NKAIN3: variants seen among roughly 807,000 people sequenced by gnomAD.
NKAIN3 encodes sodium/potassium-transporting ATPase subunit beta-1-interacting protein 3.
A neutral mutation model predicts 30.2 loss-of-function variants in NKAIN3; 25 were observed. The ratio of observed to expected loss-of-function variants is 0.83; its 90% confidence interval spans 0.60 to 1.16. NKAIN3 has a LOEUF of 1.16. NKAIN3 is among the 50% of genes most tolerant of loss of function. The pLI, the probability that NKAIN3 is intolerant of heterozygous loss-of-function variation, is 0.00. For synonymous variants in NKAIN3, 91 were observed against 89.6 expected (o/e 1.02, Z -0.09); for missense variants, 225 against 254.1 (o/e 0.89, Z 0.78).
intron 1 of NKAIN3, among the ~76,000 whole-genome samples, chr8:62,364,278 A>C (rs1816657189): frequency 6.6e-6 from 1 of 152,204 alleles, no homozygotes; most frequent in Non-Finnish European, 1.5e-5. Flanking sequence ...GTTAATTAGC[A>C]AGTCAGGACT....
At chr8:62,863,866 G>A (rs914093295) in intron 4 of NKAIN3, 81 of 1,532,694 alleles carry the variant, frequency 5.3e-5, no homozygotes, top group Middle Eastern at 4.5e-4. Flanking sequence ...CACCTTTGCA[G>A]TAGTCCGCAG....
At chr8:62,461,260 A>G (rs1258738263) in intron 1 of NKAIN3, among the ~76,000 whole-genome samples, 1 of 152,262 alleles carries the variant, frequency 6.6e-6, no homozygotes, top group Non-Finnish European at 1.5e-5. Context: ...CAGTGGCTGC[A>G]TACAGCAAAG....
chr8:62,547,302 A>AT (rs1191779364), intron 1 of NKAIN3, among the ~76,000 whole-genome samples: 2 of 152,302 alleles, frequency 1.3e-5, no homozygotes, highest in East Asian at 3.9e-4. Context: ...AGTTACTAAC[A>AT]TAGGACCACA....
At chr8:62,668,131 C>CAG (rs1046163309) in intron 3 of NKAIN3, among the ~76,000 whole-genome samples, 1 of 151,702 alleles carries the variant, frequency 6.6e-6, no homozygotes, top group African/African-American at 2.4e-5. Flanking sequence ...CACACACACA[C>CAG]AGTCACATTG....
At chr8:62,253,553 A>AGTGACACTCT (rs1450438229) in intron 1 of NKAIN3, among the ~76,000 whole-genome samples, 2 of 152,234 alleles carry the variant, frequency 1.3e-5, no homozygotes, top group African/African-American at 4.8e-5. Context: ...TGGGAGACAG[A>AGTGACACTCT]GTGACACTCT....
chr8:62,375,558 G>GA (rs2129593605), intron 1 of NKAIN3, among the ~76,000 whole-genome samples: 1 of 152,192 alleles, frequency 6.6e-6, no homozygotes, highest in South Asian at 2.1e-4. Context: ...TTGATTTTTT[G>GA]ATTCATAAGC....
chr8:62,605,692 G>A (rs1472430725), intron 3 of NKAIN3, among the ~76,000 whole-genome samples: 1 of 151,996 alleles, frequency 6.6e-6, no homozygotes, highest in Admixed American at 6.6e-5. Context: ...ACTATATTAA[G>A]TATTACAAGT....
chr8:62,264,125 G>A (rs1175072878), intron 1 of NKAIN3, among the ~76,000 whole-genome samples: 1 of 152,176 alleles, frequency 6.6e-6, no homozygotes, highest in Non-Finnish European at 1.5e-5. Flanking sequence ...ACTTGAAGAG[G>A]AAGCTAATTT....
chr8:62,746,823 G>C, intron 3 of NKAIN3, 109 bp from the exon 4 acceptor site: 1 of 706,728 alleles, frequency 1.4e-6, no homozygotes, highest in Non-Finnish European at 2.3e-6. Flanking sequence ...ACTTGAAATT[G>C]AAATCACTGT....
At chr8:62,838,291 C>G (rs924400764) in intron 4 of NKAIN3, among the ~76,000 whole-genome samples, 2 of 151,588 alleles carry the variant, frequency 1.3e-5, no homozygotes, top group Admixed American at 1.3e-4. Flanking sequence ...TTTTCATCAT[C>G]AGAGGCAAAG....
chr8:62,333,436 A>T (rs902282960), intron 1 of NKAIN3, among the ~76,000 whole-genome samples: 2 of 152,106 alleles, frequency 1.3e-5, no homozygotes, highest in African/African-American at 4.8e-5. Flanking sequence ...ATAGGGCAAT[A>T]ATTCTGCATT....
intron 5 of NKAIN3, among the ~76,000 whole-genome samples, chr8:62,927,328 A>G (rs1822481556): frequency 6.6e-6 from 1 of 152,164 alleles, no homozygotes; most frequent in African/African-American, 2.4e-5. Flanking sequence ...CCTTCCTTGA[A>G]CACTTTCTCC....
At chr8:62,590,497 G>A (rs1810618599) in intron 3 of NKAIN3, among the ~76,000 whole-genome samples, 1 of 151,748 alleles carries the variant, frequency 6.6e-6, no homozygotes, top group Non-Finnish European at 1.5e-5. Context: ...GTTTTTGTGT[G>A]AACCAGCACA....
rs148992912 is a variant in NKAIN3 at position 62,968,559 on chromosome 8, C to T, written c.*3152C>T. ...TTAACTATCTTAAGAGATGGTGCAG[C>T]TCTAGATTCAATAGCTCTCCTCAGA... On this transcript the variant is annotated 3_prime_UTR_variant, in exon 7 of 7. Transcript: ENST00000623646. 2.0e-5 allele frequency among the ~76,000 whole-genome samples: 3 copies of T among 152,310 alleles called. No individual in the cohort carries two copies. Among genetic ancestry groups the T allele is most frequent in the Non-Finnish European group, 4.4e-5 (3 of 68,038 alleles).
chr8:62,659,527 A>G (rs1048172432), intron 3 of NKAIN3, among the ~76,000 whole-genome samples: 16 of 152,208 alleles, frequency 1.1e-4, no homozygotes, highest in Non-Finnish European at 1.6e-4. Flanking sequence ...TGCTTTTGCT[A>G]TCATTGTAAC....
chr8:62,998,940 G>A (rs949757490), intron 5 of NKAIN3, among the ~76,000 whole-genome samples: 2 of 152,164 alleles, frequency 1.3e-5, no homozygotes, highest in Non-Finnish European at 2.9e-5. Context: ...ATCTCATTGT[G>A]ATTTTAATTT....
intron 4 of NKAIN3, among the ~76,000 whole-genome samples, chr8:62,779,140 T>C (rs542940493): frequency 2.0e-5 from 3 of 152,036 alleles, no homozygotes; most frequent in Non-Finnish European, 4.4e-5. Flanking sequence ...GGAAGGAATC[T>C]CTTACAAAGC....
In NKAIN3 at chr8:62,510,176, T is replaced by C. The variant is rs541818912; in HGVS notation, c.55-69363T>C. The stretch of plus-strand genomic sequence containing the variant: ...GAATAAGAGAAAAGTGAAGACCAAA[T>C]TGAGTTTGTATAAAGAACAGTGAAT... On this transcript the variant is annotated intron_variant, in intron 1 of 6. Coordinates refer to ENST00000623646, the MANE Select transcript of NKAIN3 (RefSeq NM_001304533.3). Among the ~76,000 whole-genome samples the C allele has an allele frequency of 3.3e-5, 5 of 152,196 alleles. No individual in the cohort carries two copies. In the South Asian group the frequency reaches 1.0e-3, roughly 32 times the overall value.
At chr8:62,369,849 A>T (rs1791250494) in intron 1 of NKAIN3, among the ~76,000 whole-genome samples, 1 of 151,642 alleles carries the variant, frequency 6.6e-6, no homozygotes, top group African/African-American at 2.4e-5. Context: ...TTGCCTGCCT[A>T]CTTTGAATCT....
Sources: gnomAD v4.1 joint callset for allele counts (sites outside exome capture counted in the v4.1 genomes callset) on GRCh38, gnomAD v4.1.1 for gene constraint, MANE v1.5 for transcripts, NCBI Gene and HGNC (gene_info 2026-07-23, HGNC 2026-07-21) for gene names.